Variants in APOBEC1 observed in about 807,000 individuals in gnomAD.
APOBEC1 encodes the protein C->U-editing enzyme APOBEC-1.
In APOBEC1, 22 loss-of-function variants were observed where a neutral mutation model predicts 26.3. That is an observed-to-expected ratio of 0.84 (90% CI 0.60 to 1.19). APOBEC1 has a LOEUF of 1.19. Among genes scored for constraint, APOBEC1 ranks in the 50% most tolerant of loss-of-function variants. The pLI is 0.00. For synonymous variants in APOBEC1, 77 were observed against 95.3 expected, an observed-to-expected ratio of 0.81 and a Z score of 1.12; for missense variants, 253 against 289.0, an observed-to-expected ratio of 0.88 and a Z score of 0.90.
chr12:7,656,476 C>T (rs182861013), intron 1 of APOBEC1, among the ~76,000 whole-genome samples: 31 of 152,248 alleles, frequency 2.0e-4, no homozygotes, highest in Non-Finnish European at 3.8e-4. Flanking sequence ...CCAGGCAAAA[C>T]CACGTCCTCC....
chr12:7,660,375 G>GGAAGGAAGGAAAGAAAGAAAGAAAGAAA (rs61183510), intron 1 of APOBEC1, among the ~76,000 whole-genome samples: 6 of 23,948 alleles, frequency 2.5e-4, no homozygotes, highest in African/African-American at 6.3e-4. Context: ...AAGGAAGGAA[G>GGAAGGAAGGAAAGAAAGAAAGAAAGAAA]GAAAGAAAGA....
At chr12:7,652,922 T>G in intron 2 of APOBEC1, 87 bp from the exon 3 acceptor site, 1 of 1,032,678 alleles carries the variant, frequency 9.7e-7, no homozygotes, top group Non-Finnish European at 1.3e-6. Flanking sequence ...CTTTTTTTAT[T>G]TTATTTTATT....
chr12:7,663,341 C>T (rs980158989), intron 1 of APOBEC1, among the ~76,000 whole-genome samples: 3 of 151,968 alleles, frequency 2.0e-5, no homozygotes, highest in African/African-American at 4.8e-5. Flanking sequence ...GGGAGAAGAA[C>T]TAAAATGAGA....
intron 4 of APOBEC1, among the ~76,000 whole-genome samples, chr12:7,650,484 C>G (rs747612316): frequency 6.6e-5 from 10 of 152,242 alleles, no homozygotes; most frequent in African/African-American, 2.4e-4. Context: ...TGGGGACCAC[C>G]CATATCTTAG....
In APOBEC1 at chr12:7,649,694, A is replaced by G. The variant is rs765071321; in HGVS notation, c.564T>C (p.Ser188=). 16 of 1,605,640 alleles carry G rather than the reference A, an allele frequency of 1.0e-5. No homozygotes were observed. Among genetic ancestry groups the G allele is most frequent in the Non-Finnish European group, 1.4e-5 (16 of 1,172,874 alleles). ...YALELHCIIL[S]LPPCLKISRR... is the part of the protein sequence containing the mutation. ...TTGAAATCTTTAAACAGGGTGGAAG[A>G]CTCTGGAATAAAAAAGGATTATATT... The change falls in exon 5 of 5, where the codon AGT becomes AGC. Residue 188 remains serine, a splice_region_variant and synonymous_variant. Coordinates refer to ENST00000229304, the MANE Select transcript of APOBEC1 (RefSeq NM_001644.5).
chr12:7,653,180 T>G (rs950935366), intron 2 of APOBEC1, among the ~76,000 whole-genome samples: 2 of 152,082 alleles, frequency 1.3e-5, no homozygotes, highest in Non-Finnish European at 2.9e-5. Context: ...TTCGCCCACC[T>G]CAGCCTCCCA....
intron 1 of APOBEC1, 48 bp from the exon 2 acceptor site, chr12:7,654,680 G>A (rs1863689941): frequency 6.3e-7 from 1 of 1,587,676 alleles, no homozygotes; most frequent in Non-Finnish European, 8.6e-7. Flanking sequence ...AATATCAAAT[G>A]AGTTGCTAAG....
chr12:7,660,457 A>T (rs1050433402), intron 1 of APOBEC1, among the ~76,000 whole-genome samples: 2 of 151,808 alleles, frequency 1.3e-5, no homozygotes, highest in Non-Finnish European at 2.9e-5. Context: ...CTGTAATCCC[A>T]GCACTTTGGG....
At chr12:7,665,770 C>CAT in intron 1 of APOBEC1, 87 bp downstream of exon 1, 1 of 875,380 alleles carries the variant, frequency 1.1e-6, no homozygotes, top group South Asian at 1.5e-5. Context: ...CACACACACA[C>CAT]ACACACACAC....
At chr12:7,655,756 A>G (rs1161759925) in intron 1 of APOBEC1, among the ~76,000 whole-genome samples, 3 of 152,020 alleles carry the variant, frequency 2.0e-5, no homozygotes, top group African/African-American at 7.2e-5. Context: ...TGAGATGCCA[A>G]GGCAGAAGGA....
At position 7,653,571 on chromosome 12, in the gene APOBEC1, C is replaced by T. The variant is rs1863676625; in HGVS notation, c.45-736G>A. Reference sequence around the variant, plus strand: ...CCCCTTCCTGGACTCAAGCTACTCTCCTGCCTCAGCCTCCTGAGTAGCTGA... The same window carrying T: ...CCCCTTCCTGGACTCAAGCTACTCTTCTGCCTCAGCCTCCTGAGTAGCTGA... On this transcript the variant is annotated intron_variant, in intron 2 of 4. Coordinates refer to ENST00000229304, the MANE Select transcript of APOBEC1 (RefSeq NM_001644.5). 2.7e-5 allele frequency among the ~76,000 whole-genome samples: 4 copies of T among 149,732 alleles called. No individual in the cohort carries two copies. The Admixed American group carries it at 2.7e-4, about 10-fold the overall frequency.
Position 7,651,091 on chromosome 12 carries a change from C to A in APOBEC1, c.493G>T (p.Ala165Ser), listed in dbSNP as rs764744663. 2.5e-6 allele frequency: 4 copies of A among 1,614,146 alleles called. No individual in the cohort carries two copies. The highest frequency in any genetic ancestry group is 3.4e-6 in the Non-Finnish European group (4 of 1,180,012). Residue 165 changes from alanine (A) to serine (S), a missense_variant, in exon 4 of 5, where the codon GCT becomes TCT. By Grantham distance (99) the Ala-to-Ser change is moderately conservative. Coordinates refer to ENST00000229304, the MANE Select transcript of APOBEC1 (RefSeq NM_001644.5). The stretch of plus-strand genomic sequence containing the variant: ...AGAGGTGGGTATTGTGGCCAGTGAG[C>A]TTCATCCCCAGGTGGGTAGTTGACA... ...NFVNYPPGDE[A>S]HWPQYPPLWM... is the part of the protein sequence containing the mutation.
At chr12:7,653,209 C>G (rs187059919) in intron 2 of APOBEC1, among the ~76,000 whole-genome samples, 1 of 152,102 alleles carries the variant, frequency 6.6e-6, no homozygotes, top group South Asian at 2.1e-4. Context: ...GGATTACAGG[C>G]GTGAGCCACC....
chr12:7,665,262 T>C (rs1454036229), intron 1 of APOBEC1, among the ~76,000 whole-genome samples: 2 of 152,218 alleles, frequency 1.3e-5, no homozygotes, highest in Non-Finnish European at 2.9e-5. Flanking sequence ...TGTTGTTACC[T>C]TAAACTGTTA....
intron 1 of APOBEC1, 60 bp downstream of exon 1, chr12:7,665,796 CA>C (rs2136860070): frequency 1.5e-6 from 2 of 1,321,636 alleles, no homozygotes; most frequent in African/African-American, 1.5e-5. Context: ...CACACACACA[CA>C]CACACACACC....
In APOBEC1 at chr12:7,660,378, A is replaced by AGGAC. The variant is rs1257234032; in HGVS notation, c.16+5478_16+5479insGTCC. 4.9e-3 allele frequency among the ~76,000 whole-genome samples: 497 copies of AGGAC among 100,680 alleles called. 16 individuals are homozygous for AGGAC. The highest frequency in any genetic ancestry group is 0.015 in the African/African-American group (374 of 25,580). The allele number at this position is 100,680 out of a possible 152,430, so 66.0% of individuals were successfully genotyped here. On this transcript the variant is annotated intron_variant, in intron 1 of 4. Coordinates refer to ENST00000229304, the MANE Select transcript of APOBEC1 (RefSeq NM_001644.5). ...AAGGAAGGAAGGAAGGAAGGAAGGA[A>AGGAC]AGAAAGAAAGAAAGAAAGAAAGAAA...
upstream of APOBEC1, chr12:7,666,008 G>T (rs1863888463): frequency 1.1e-6 from 1 of 905,856 alleles, no homozygotes; most frequent in Non-Finnish European, 1.9e-6. Context: ...GGCAGTTATG[G>T]GAATCTGAGC....
At chr12:7,656,524 T>C (rs763828354) in intron 1 of APOBEC1, among the ~76,000 whole-genome samples, 4 of 152,284 alleles carry the variant, frequency 2.6e-5, no homozygotes, top group Middle Eastern at 3.4e-3. Context: ...CTTAAAATGG[T>C]CCATGAATCT....
chr12:7,661,218 A>G (rs988576826), intron 1 of APOBEC1, among the ~76,000 whole-genome samples: 4 of 151,482 alleles, frequency 2.6e-5, no homozygotes, highest in Non-Finnish European at 4.4e-5. Context: ...AAAAAAAAAA[A>G]AAAAAAAGAC....
Sources: gnomAD v4.1 joint callset for allele counts (sites outside exome capture counted in the v4.1 genomes callset) on GRCh38, gnomAD v4.1.1 for gene constraint, MANE v1.5 for transcripts, NCBI Gene and HGNC (gene_info 2026-07-23, HGNC 2026-07-21) for gene names.